Variants in TRAPPC9 observed in about 807,000 individuals in gnomAD.
TRAPPC9 encodes trafficking protein particle complex subunit 9, also known as IKK2 binding protein.
Under a neutral mutation model 124.0 loss-of-function variants are expected in TRAPPC9, and 83 were observed. The ratio of observed to expected loss-of-function variants is 0.67; its 90% CI spans 0.56 to 0.80. TRAPPC9 has a LOEUF of 0.80. TRAPPC9 is among the 30% of genes least tolerant of loss of function. The probability of loss-of-function intolerance (pLI) is 0.00; values close to 1 mark genes in which losing one functional copy is unlikely to be tolerated. For synonymous variants in TRAPPC9, 638 were observed against 617.5 expected (o/e 1.03, Z -0.49); for missense variants, 1,302 against 1,508.3 (o/e 0.86, Z 2.27).
chr8:140,457,112 G>C (rs893349328), intron 1 of TRAPPC9, among the ~76,000 whole-genome samples: 1 of 152,238 alleles, frequency 6.6e-6, no homozygotes, highest in South Asian at 2.1e-4. Flanking sequence ...AGGGCTAGGG[G>C]AGAAGTCCGG....
intron 9 of TRAPPC9, among the ~76,000 whole-genome samples, chr8:140,349,892 C>G (rs1044425648): frequency 1.3e-5 from 2 of 152,204 alleles, no homozygotes; most frequent in African/African-American, 4.8e-5. Flanking sequence ...GCTGCAGAAG[C>G]CACCTCTGCC....
chr8:139,731,232 A>G lies in TRAPPC9; in HGVS notation c.3280-4T>C, dbSNP rs1183773698. The G allele has an allele frequency of 1.9e-6, 3 of 1,612,964 alleles. No individual in the cohort carries two copies. The African/African-American group carries it at 4.0e-5, about 22-fold the overall frequency. ...CCGACTGGCCGGACGGCTGCACCTG[A>G]GCAGGGAGGAGAAAGACACATCAGT... is the stretch of plus-strand genomic sequence containing the variant. On this transcript the variant is annotated splice_region_variant and splice_polypyrimidine_tract_variant and intron_variant, in intron 22 of 22. Coordinates refer to ENST00000438773, the MANE Select transcript of TRAPPC9 (RefSeq NM_001160372.4).
chr8:139,826,741 T>G (rs1586930396), intron 21 of TRAPPC9, among the ~76,000 whole-genome samples: 1 of 151,128 alleles, frequency 6.6e-6, no homozygotes. Context: ...AAAAGCAAGG[T>G]TGGAAGGGAA....
At chr8:139,773,259 GT>G (rs1250204159) in intron 21 of TRAPPC9, among the ~76,000 whole-genome samples, 1 of 152,246 alleles carries the variant, frequency 6.6e-6, no homozygotes. Context: ...GCTCTAACAG[GT>G]TTCAACGAAA....
intron 10 of TRAPPC9, among the ~76,000 whole-genome samples, chr8:140,311,005 G>A (rs191379858): frequency 6.6e-5 from 10 of 152,208 alleles, no homozygotes; most frequent in East Asian, 3.9e-4. Flanking sequence ...GGGTGCAGAC[G>A]TGACTCCGCC....
chr8:140,045,292 G>A (rs1841513951), intron 17 of TRAPPC9, among the ~76,000 whole-genome samples: 1 of 152,150 alleles, frequency 6.6e-6, no homozygotes, highest in South Asian at 2.1e-4. Flanking sequence ...CCTGCTGCGG[G>A]CTGTGAGCAT....
At chr8:140,342,066 T>C (rs548296393) in intron 9 of TRAPPC9, among the ~76,000 whole-genome samples, 4 of 152,096 alleles carry the variant, frequency 2.6e-5, no homozygotes, top group Admixed American at 6.6e-5. Flanking sequence ...TCAGGATGAG[T>C]TGCCATATTC....
intron 20 of TRAPPC9, among the ~76,000 whole-genome samples, chr8:139,902,724 T>C (rs1831097009): frequency 6.6e-6 from 1 of 152,208 alleles, no homozygotes; most frequent in Non-Finnish European, 1.5e-5. Flanking sequence ...TGTCTGAGAA[T>C]AGGCCAGAAG....
intron 9 of TRAPPC9, among the ~76,000 whole-genome samples, chr8:140,337,747 G>A (rs953255924): frequency 6.6e-6 from 1 of 152,214 alleles, no homozygotes; most frequent in African/African-American, 2.4e-5. Context: ...TGTGGGAACA[G>A]AGGGAGGTGG....
At chr8:140,185,650 C>G (rs970511308) in intron 17 of TRAPPC9, among the ~76,000 whole-genome samples, 1 of 152,134 alleles carries the variant, frequency 6.6e-6, no homozygotes, top group East Asian at 1.9e-4. Context: ...AGGGCTCAGC[C>G]GCATTCCCAC....
intron 1 of TRAPPC9, among the ~76,000 whole-genome samples, chr8:140,451,585 T>G (rs531635749): frequency 2.4e-4 from 36 of 152,330 alleles, no homozygotes; most frequent in Middle Eastern, 3.4e-3. Flanking sequence ...CTTCAGTCCC[T>G]TGGCCTCAGC....
chr8:140,306,563 T>C (rs1002103595), intron 10 of TRAPPC9, among the ~76,000 whole-genome samples: 2 of 151,880 alleles, frequency 1.3e-5, no homozygotes, highest in African/African-American at 4.8e-5. Flanking sequence ...TTCTCCCTAC[T>C]TTCAAATGGC....
At chr8:139,917,868 G>A (rs755575959) in intron 19 of TRAPPC9, among the ~76,000 whole-genome samples, 5 of 152,220 alleles carry the variant, frequency 3.3e-5, no homozygotes, top group East Asian at 3.9e-4. Flanking sequence ...GGTGCTTGGA[G>A]ATAATACTGC....
intron 9 of TRAPPC9, among the ~76,000 whole-genome samples, chr8:140,313,813 G>A (rs1410724505): frequency 6.6e-6 from 1 of 152,142 alleles, no homozygotes; most frequent in Non-Finnish European, 1.5e-5. Flanking sequence ...AGCGCCTACT[G>A]CCGTGTGGTG....
intron 19 of TRAPPC9, among the ~76,000 whole-genome samples, chr8:139,983,413 C>T (rs997810184): frequency 1.3e-5 from 2 of 152,126 alleles, no homozygotes; most frequent in Non-Finnish European, 2.9e-5. Flanking sequence ...TAGCCACCTT[C>T]CTTGGCCCCC....
intron 17 of TRAPPC9, among the ~76,000 whole-genome samples, chr8:140,043,036 C>G (rs1372743752): frequency 6.6e-6 from 1 of 152,150 alleles, no homozygotes; most frequent in Non-Finnish European, 1.5e-5. Context: ...AGTCAGGGCC[C>G]ACCGGTCCTG....
chr8:139,840,408 T>C (rs932521455), intron 21 of TRAPPC9, among the ~76,000 whole-genome samples: 1 of 152,238 alleles, frequency 6.6e-6, no homozygotes, highest in African/African-American at 2.4e-5. Context: ...TGTGAGTTGA[T>C]TCCATTGAGA....
chr8:139,847,276 T>C (rs1827145300), intron 21 of TRAPPC9, among the ~76,000 whole-genome samples: 1 of 152,198 alleles, frequency 6.6e-6, no homozygotes, highest in African/African-American at 2.4e-5. Flanking sequence ...GGGGAAACAC[T>C]CTTCCATCCA....
intron 16 of TRAPPC9, among the ~76,000 whole-genome samples, chr8:140,245,940 A>G (rs993939541): frequency 7.2e-5 from 11 of 152,250 alleles, no homozygotes; most frequent in Admixed American, 5.9e-4. Context: ...TCCGAATTCT[A>G]TCCTCCTTAT....
Sources: allele counts gnomAD v4.1 joint callset (sites outside exome capture counted in the v4.1 genomes callset), GRCh38; gene constraint gnomAD v4.1.1; transcripts MANE v1.5; gene names NCBI Gene and HGNC (gene_info 2026-07-23, HGNC 2026-07-21).